The following GRAMD1B variants were observed in gnomAD, a reference collection of about 807,000 sequenced individuals.
The protein encoded by GRAMD1B is GRAM domain containing 1B.
GRAMD1B carries 37 observed loss-of-function variants against 99.7 expected under a neutral mutation model. That is an observed-to-expected ratio of 0.37 (90% confidence interval 0.29 to 0.49). The LOEUF (loss-of-function observed/expected upper bound fraction) is 0.49, where lower values mean the gene tolerates loss of function less well. Ranked by LOEUF, GRAMD1B falls within the 20% of genes least tolerant of loss-of-function variation. The probability of loss-of-function intolerance (pLI) is 0.98; values close to 1 mark genes in which losing one functional copy is unlikely to be tolerated. For missense variants in GRAMD1B, 888 were observed against 1,009.2 expected, an observed-to-expected ratio of 0.88 and a Z score of 1.63; for synonymous variants, 427 against 387.6, an observed-to-expected ratio of 1.10 and a Z score of -1.19.
rs1295125716 is a variant in GRAMD1B at position 123,492,053 on chromosome 11, T to A, written c.452+11160T>A. 5 of 395,556 alleles carry A rather than the reference T, an allele frequency of 1.3e-5. No homozygotes were observed. The highest frequency in any genetic ancestry group is 2.2e-5 in the Non-Finnish European group (5 of 224,480). 24.5% of individuals were successfully genotyped at this position (395,556 alleles called of 1,614,324 possible). A position where few individuals can be genotyped will look rare whatever the true frequency, so the allele number is the denominator to read the frequency against. ...GTAGGTCCCTGCCCAAGAGGGACACTCGGTGATCCATTGCAAGAGGCTGAA... is the reference window on the plus strand; with the variant it reads ...GTAGGTCCCTGCCCAAGAGGGACACACGGTGATCCATTGCAAGAGGCTGAA... On this transcript the variant is annotated intron_variant, in intron 2 of 19. Transcript: ENST00000635736. The surrounding 1 kb of genome is among the most constrained non-coding windows in gnomAD (Gnocchi z 4.2).
At chr11:123,479,667 AGCATTGTGG>A (rs1951483210) in intron 1 of GRAMD1B, among the ~76,000 whole-genome samples, 1 of 152,150 alleles carries the variant, frequency 6.6e-6, no homozygotes, top group Admixed American at 6.5e-5. Flanking sequence ...CCAGATGGTG[AGCATTGTGG>A]GCTTTGTGGG....
chr11:123,479,336 A>G (rs528508004), intron 1 of GRAMD1B, among the ~76,000 whole-genome samples: 5 of 152,344 alleles, frequency 3.3e-5, no homozygotes, highest in Non-Finnish European at 7.3e-5. Context: ...CACAGAACTC[A>G]TGTGCTTTGG....
chr11:123,534,510 G>T (rs1047857704), intron 2 of GRAMD1B, among the ~76,000 whole-genome samples: 1 of 152,198 alleles, frequency 6.6e-6, no homozygotes, highest in African/African-American at 2.4e-5. Context: ...GAGAAGGGCT[G>T]AATGAAGGAG....
At chr11:123,513,831 T>C (rs761932802) in intron 2 of GRAMD1B, among the ~76,000 whole-genome samples, 19 of 151,830 alleles carry the variant, frequency 1.3e-4, no homozygotes, top group Non-Finnish European at 2.6e-4. Context: ...TAATTTTTTA[T>C]TTTTTGTAGA....
At chr11:123,472,341 A>G (rs11219162) in intron 1 of GRAMD1B, among the ~76,000 whole-genome samples, 7,731 of 152,164 alleles carry the variant, frequency 0.051, 630 homozygotes, top group African/African-American at 0.17. Flanking sequence ...TTTTAGTGAT[A>G]TGGTTTCACC....
chr11:123,611,203 C>T (rs980801502), intron 14 of GRAMD1B, among the ~76,000 whole-genome samples: 3 of 125,968 alleles, frequency 2.4e-5, no homozygotes, highest in Non-Finnish European at 5.5e-5. Flanking sequence ...GGGAGGCTTA[C>T]GCAGGAGGGA....
chr11:123,524,714 G>A (rs1161678955), intron 2 of GRAMD1B, among the ~76,000 whole-genome samples: 5 of 152,182 alleles, frequency 3.3e-5, no homozygotes, highest in Non-Finnish European at 4.4e-5. Flanking sequence ...GAGGATGTCT[G>A]CAGATTGTTT....
At chr11:123,519,481 C>T (rs1195431168) in intron 2 of GRAMD1B, among the ~76,000 whole-genome samples, 1 of 152,216 alleles carries the variant, frequency 6.6e-6, no homozygotes, top group East Asian at 1.9e-4. Flanking sequence ...TCCCCCGCTG[C>T]TCCTCTCTCA....
chr11:123,567,929 A>T (rs760505056), intron 2 of GRAMD1B, among the ~76,000 whole-genome samples: 1 of 152,200 alleles, frequency 6.6e-6, no homozygotes, highest in Non-Finnish European at 1.5e-5. Flanking sequence ...TAATTAGTCA[A>T]TTAATAAATT....
rs1271569146 is a variant in GRAMD1B at position 123,591,642 on chromosome 11, G to A, written c.685-2440G>A. On this transcript the variant is annotated intron_variant, in intron 4 of 19. Coordinates refer to ENST00000635736, the MANE Select transcript of GRAMD1B (RefSeq NM_001387025.1). This position sits in a 1 kb window ranked among gnomAD's most constrained non-coding sequence, Gnocchi z 4.7. Reference sequence around the variant, plus strand: ...CGAAGGCCCCAGATTTGACAATCTTGGAACCGAAATTATTTGACCATTTTA... The same window carrying A: ...CGAAGGCCCCAGATTTGACAATCTTAGAACCGAAATTATTTGACCATTTTA... 2.5e-6 allele frequency: 1 copy of A among 397,068 alleles called. No individual in the cohort carries two copies. The highest frequency in any genetic ancestry group is 1.4e-4 in the South Asian group (1 of 7,068). The allele number at this position is 397,068 out of a possible 1,614,324, so 24.6% of individuals were successfully genotyped here.
At chr11:123,613,222 A>G in intron 15 of GRAMD1B, 3 of 577,374 alleles carry the variant, frequency 5.2e-6, no homozygotes, top group Non-Finnish European at 6.2e-6. Context: ...AATTGTATAC[A>G]TGAGGGTGCA....
intron 2 of GRAMD1B, among the ~76,000 whole-genome samples, chr11:123,536,839 T>C (rs974292468): frequency 6.6e-6 from 1 of 152,184 alleles, no homozygotes; most frequent in African/African-American, 2.4e-5. Context: ...CACAAGGTTA[T>C]GGTCACTTGA....
chr11:123,483,263 T>G (rs1951709459), intron 2 of GRAMD1B, among the ~76,000 whole-genome samples: 1 of 152,104 alleles, frequency 6.6e-6, no homozygotes, highest in South Asian at 2.1e-4. Flanking sequence ...ACAGCGTGGA[T>G]ATGCTGAACA....
chr11:123,589,293 C>T (rs1217160154), intron 4 of GRAMD1B, among the ~76,000 whole-genome samples: 1 of 151,758 alleles, frequency 6.6e-6, no homozygotes, highest in East Asian at 1.9e-4. Flanking sequence ...ACATGCTACA[C>T]CATGAATGGA....
At chr11:123,537,729 C>T (rs866743193) in intron 2 of GRAMD1B, among the ~76,000 whole-genome samples, 119 of 152,304 alleles carry the variant, frequency 7.8e-4, no homozygotes, top group African/African-American at 2.8e-3. Flanking sequence ...TAATAGGAGC[C>T]AACCATTACC....
chr11:123,450,305 C>G (rs935098359), intron 1 of GRAMD1B, among the ~76,000 whole-genome samples: 18 of 152,152 alleles, frequency 1.2e-4, no homozygotes, highest in African/African-American at 4.3e-4. Flanking sequence ...GATTCCAGGT[C>G]AGGGCAACAG....
intron 19 of GRAMD1B, among the ~76,000 whole-genome samples, chr11:123,621,817 C>T (rs1955141919): frequency 7.1e-6 from 1 of 140,380 alleles, no homozygotes; most frequent in Admixed American, 7.4e-5. Context: ...GCACTGAGAC[C>T]CAGTAAGCCC....
chr11:123,513,212 A>G (rs937530733), intron 2 of GRAMD1B, among the ~76,000 whole-genome samples: 5 of 152,156 alleles, frequency 3.3e-5, no homozygotes, highest in Admixed American at 6.5e-5. Context: ...TACTGGGTTA[A>G]TTTACCCTGG....
Position 123,485,194 on chromosome 11 carries a change from A to G in GRAMD1B, c.452+4301A>G, listed in dbSNP as rs554298026. On this transcript the variant is annotated intron_variant, in intron 2 of 19. Transcript: ENST00000635736. ...TCTAATTTTCCAAACCATATCATCA[A>G]TTGTAACATGAAAGATTGTTTCATA... is the stretch of plus-strand genomic sequence containing the variant. 7.9e-5 allele frequency among the ~76,000 whole-genome samples: 12 copies of G among 152,366 alleles called. No homozygotes were observed. The South Asian group carries it at 2.1e-3, about 26-fold the overall frequency.
Sources: gnomAD v4.1 joint callset for allele counts (sites outside exome capture counted in the v4.1 genomes callset) on GRCh38, gnomAD v4.1.1 for gene constraint, Gnocchi (gnomAD v3.1) non-coding constraint, MANE v1.5 for transcripts, NCBI Gene and HGNC (gene_info 2026-07-23, HGNC 2026-07-21) for gene names.